The following DSCAM variants were observed in gnomAD, a reference collection of about 807,000 sequenced individuals.
DSCAM encodes the protein DS cell adhesion molecule.
A neutral mutation model predicts 217.7 loss-of-function variants in DSCAM; 47 were observed. That is an observed-to-expected ratio of 0.22 (90% CI 0.17 to 0.28). The LOEUF (loss-of-function observed/expected upper bound fraction) is 0.28, where lower values mean the gene tolerates loss of function less well. Ranked by LOEUF, DSCAM falls within the 10% of genes least tolerant of loss-of-function variation. The probability of loss-of-function intolerance (pLI) is 1.00; values close to 1 mark genes in which losing one functional copy is unlikely to be tolerated. For missense variants in DSCAM, 2,080 were observed against 2,618.3 expected (o/e 0.79, Z 4.49); for synonymous variants, 1,056 against 1,015.3 (o/e 1.04, Z -0.76).
At chr21:40,281,945 G>A (rs887990805) in intron 10 of DSCAM, among the ~76,000 whole-genome samples, 1 of 152,074 alleles carries the variant, frequency 6.6e-6, no homozygotes, top group Admixed American at 6.5e-5. Flanking sequence ...AATCAGAAGA[G>A]GATGTTGAAT....
chr21:40,487,252 T>C (rs1188095376), intron 3 of DSCAM, among the ~76,000 whole-genome samples: 4 of 151,154 alleles, frequency 2.6e-5, no homozygotes, highest in South Asian at 2.1e-4. Context: ...TCTCTCTTTC[T>C]CTCCCTCTCT....
chr21:40,214,703 A>G (rs2091223508), intron 11 of DSCAM, among the ~76,000 whole-genome samples: 2 of 151,074 alleles, frequency 1.3e-5, no homozygotes, highest in Admixed American at 1.3e-4. Context: ...CGATTCTGAT[A>G]TCAAATAAAA....
intron 3 of DSCAM, among the ~76,000 whole-genome samples, chr21:40,613,635 A>T (rs1185602640): frequency 6.6e-6 from 1 of 152,156 alleles, no homozygotes; most frequent in African/African-American, 2.4e-5. Context: ...TTGCCCTAGC[A>T]TGCCGCACTG....
rs76844184 is a variant in DSCAM at position 40,347,695 on chromosome 21, T to C, written c.1185A>G (p.Gln395=). ...CFVRKDKLSA[Q]DYVQVVLEDG... is the part of the protein sequence containing the mutation. The stretch of plus-strand genomic sequence containing the variant: ...CTTCAAGGACCACCTGCACATAGTC[T>C]TGAGCGGACAGCTTGTCCTTGCGCA... The change falls in exon 6 of 33, where the codon CAA becomes CAG. Residue 395 remains glutamine (Q), a synonymous_variant. Transcript: ENST00000400454. The C allele has an allele frequency of 6.2e-7, 1 of 1,614,076 alleles. No individual in the cohort carries two copies. Among genetic ancestry groups the C allele is most frequent in the Non-Finnish European group, 8.5e-7 (1 of 1,180,008 alleles).
intron 3 of DSCAM, among the ~76,000 whole-genome samples, chr21:40,683,175 T>C (rs1038054376): frequency 4.6e-5 from 7 of 152,162 alleles, no homozygotes; most frequent in African/African-American, 1.4e-4. Context: ...TATTTTGTTT[T>C]GGCGTCCAGA....
At chr21:40,199,208 AC>A (rs1200055400) in intron 11 of DSCAM, among the ~76,000 whole-genome samples, 10 of 152,104 alleles carry the variant, frequency 6.6e-5, no homozygotes, top group Admixed American at 6.6e-4. Context: ...TCAATACATC[AC>A]GATTATCTTT....
chr21:40,063,260 G>C (rs2089150727), intron 27 of DSCAM, among the ~76,000 whole-genome samples: 1 of 152,024 alleles, frequency 6.6e-6, no homozygotes. Flanking sequence ...ACAAACCCAT[G>C]CTTTTTGTTA....
rs558127639 is a variant in DSCAM, at chr21:40,604,801, A to T, written c.508+88009T>A. Among the ~76,000 whole-genome samples the T allele has an allele frequency of 4.6e-5, 7 of 152,326 alleles. No homozygotes were observed. In the East Asian group the frequency reaches 1.4e-3, roughly 29 times the overall value. On this transcript the variant is annotated intron_variant, in intron 3 of 32. Transcript: ENST00000400454. ...CTCCATACTCTTAAGATAAAATCTCAGCTTGCAGTATACCCAAGTCCCTGG... is the reference window on the plus strand; with the variant it reads ...CTCCATACTCTTAAGATAAAATCTCTGCTTGCAGTATACCCAAGTCCCTGG...
At chr21:40,703,915 G>A (rs2090684119) in intron 2 of DSCAM, among the ~76,000 whole-genome samples, 1 of 151,856 alleles carries the variant, frequency 6.6e-6, no homozygotes, top group Non-Finnish European at 1.5e-5. Context: ...AGCAGTTGTA[G>A]GTTTAGAGAA....
intron 6 of DSCAM, among the ~76,000 whole-genome samples, chr21:40,343,309 T>C (rs11701471): frequency 4.0e-3 from 602 of 152,318 alleles, no homozygotes; most frequent in Non-Finnish European, 6.6e-3. Context: ...TAACTAGGGC[T>C]GCTAGTATAA....
intron 3 of DSCAM, among the ~76,000 whole-genome samples, chr21:40,672,602 C>T (rs1431183949): frequency 6.6e-6 from 1 of 152,082 alleles, no homozygotes; most frequent in East Asian, 1.9e-4. Flanking sequence ...TTATAGTGAG[C>T]CTAAGTGGCT....
At chr21:40,041,241 A>G (rs2088743176) in intron 32 of DSCAM, among the ~76,000 whole-genome samples, 1 of 152,210 alleles carries the variant, frequency 6.6e-6, no homozygotes, top group African/African-American at 2.4e-5. Context: ...GAGAAACAAA[A>G]CTGGATTCAA....
chr21:40,702,521 T>A (rs574966984), intron 2 of DSCAM, among the ~76,000 whole-genome samples: 1 of 152,296 alleles, frequency 6.6e-6, no homozygotes, highest in South Asian at 2.1e-4. Context: ...TTTTAAGCTA[T>A]TTGTGCCTTT....
chr21:40,106,425 A>G (rs2089821714), intron 20 of DSCAM, among the ~76,000 whole-genome samples: 2 of 152,034 alleles, frequency 1.3e-5, no homozygotes, highest in South Asian at 4.2e-4. Flanking sequence ...TATTCTCCTG[A>G]AGTTTTCTTT....
At chr21:40,636,727 C>T (rs914038624) in intron 3 of DSCAM, among the ~76,000 whole-genome samples, 2 of 149,364 alleles carry the variant, frequency 1.3e-5, no homozygotes, top group African/African-American at 4.9e-5. Context: ...AAATGCCACG[C>T]TAGTCTGAGG....
In DSCAM at chr21:40,078,984, G is replaced by T; in HGVS notation, c.4421-7C>A. ...TCCTTTGAGAACTGGGGCTCTGGGG[G>T]AGAAGGCACATGGAGGTCAGCTCAC... On this transcript the variant is annotated splice_region_variant and splice_polypyrimidine_tract_variant and intron_variant, in intron 25 of 32. Coordinates refer to ENST00000400454, the MANE Select transcript of DSCAM (RefSeq NM_001389.5). The T allele has an allele frequency of 6.2e-7, 1 of 1,612,610 alleles. No homozygotes were observed. Among genetic ancestry groups the T allele is most frequent in the South Asian group, 1.1e-5 (1 of 90,880 alleles).
chr21:40,828,092 A>C (rs139793413), intron 1 of DSCAM, among the ~76,000 whole-genome samples: 2 of 152,200 alleles, frequency 1.3e-5, no homozygotes, highest in African/African-American at 4.8e-5. Context: ...AAGAGGGGGA[A>C]GTTGAGGCTG....
chr21:40,392,569 G>A (rs981077669), intron 3 of DSCAM, among the ~76,000 whole-genome samples: 1 of 152,162 alleles, frequency 6.6e-6, no homozygotes, highest in Non-Finnish European at 1.5e-5. Flanking sequence ...AAGAAGGGTA[G>A]AACACAAGTT....
At chr21:40,387,274 G>A (rs2075095254) in intron 3 of DSCAM, among the ~76,000 whole-genome samples, 1 of 151,896 alleles carries the variant, frequency 6.6e-6, no homozygotes, top group South Asian at 2.1e-4. Flanking sequence ...AGTTTTAACA[G>A]CAATGAGGAA....
Sources: allele counts gnomAD v4.1 joint callset (sites outside exome capture counted in the v4.1 genomes callset), GRCh38; gene constraint gnomAD v4.1.1; transcripts MANE v1.5; gene names NCBI Gene and HGNC (gene_info 2026-07-23, HGNC 2026-07-21).